MEI4: variants seen among roughly 807,000 people sequenced by gnomAD.
The protein encoded by MEI4 is meiosis-specific protein MEI4.
In MEI4, 27 loss-of-function variants were observed where a neutral mutation model predicts 31.4. That is an observed-to-expected ratio of 0.86 (90% CI 0.63 to 1.19). The LOEUF (loss-of-function observed/expected upper bound fraction) is 1.19. MEI4 is among the 50% of genes most tolerant of loss of function. The probability of loss-of-function intolerance (pLI) is 0.00; values close to 1 mark genes in which losing one functional copy is unlikely to be tolerated. For missense variants in MEI4, 329 were observed against 398.9 expected (o/e 0.82, Z 1.49); for synonymous variants, 122 against 145.4 (o/e 0.84, Z 1.16).
At chr6:77,899,103 A>G (rs1025164745) in intron 4 of MEI4, among the ~76,000 whole-genome samples, 17 of 152,062 alleles carry the variant, frequency 1.1e-4, no homozygotes, top group Admixed American at 3.3e-4. Flanking sequence ...CACTGCATCT[A>G]TATTTTCAAA....
At chr6:77,672,960 A>T (rs1426580479) in intron 1 of MEI4, among the ~76,000 whole-genome samples, 1 of 152,252 alleles carries the variant, frequency 6.6e-6, no homozygotes, top group Non-Finnish European at 1.5e-5. Context: ...GGTAAGACAG[A>T]TACAAGGTCA....
chr6:77,728,905 G>A (rs1766897800), intron 2 of MEI4, among the ~76,000 whole-genome samples: 1 of 152,188 alleles, frequency 6.6e-6, no homozygotes, highest in African/African-American at 2.4e-5. Context: ...TGCTCTGGCT[G>A]CTGTATGGAG....
At chr6:77,895,773 G>A (rs12208156) in intron 4 of MEI4, among the ~76,000 whole-genome samples, 44,635 of 151,982 alleles carry the variant, frequency 0.29, 7,126 homozygotes, top group South Asian at 0.38. Flanking sequence ...GGACAGAAGG[G>A]AGGAAGGGAC....
intron 4 of MEI4, among the ~76,000 whole-genome samples, chr6:77,920,384 G>A (rs7763083): frequency 0.11 from 17,069 of 151,822 alleles, 2,957 homozygotes; most frequent in African/African-American, 0.37. Context: ...TATAAACAGA[G>A]CCAAAGACAA....
At chr6:77,668,364 G>T (rs536035701) in intron 1 of MEI4, among the ~76,000 whole-genome samples, 1 of 152,250 alleles carries the variant, frequency 6.6e-6, no homozygotes, top group African/African-American at 2.4e-5. Flanking sequence ...TCTAAGAGCT[G>T]ATTGTTAGGT....
At chr6:77,746,193 T>G (rs969847692) in intron 2 of MEI4, among the ~76,000 whole-genome samples, 60 of 152,168 alleles carry the variant, frequency 3.9e-4, no homozygotes, top group Admixed American at 3.3e-4. Flanking sequence ...GCCGGTTTTT[T>G]GAAAGGATCA....
intron 4 of MEI4, among the ~76,000 whole-genome samples, chr6:77,853,011 C>T (rs1019109123): frequency 6.6e-6 from 1 of 152,066 alleles, no homozygotes; most frequent in Admixed American, 6.6e-5. Context: ...CCAGCCTGAC[C>T]AACATGGAAA....
intron 2 of MEI4, among the ~76,000 whole-genome samples, chr6:77,713,916 G>T (rs1766522251): frequency 6.6e-6 from 1 of 151,290 alleles, no homozygotes; most frequent in Admixed American, 6.6e-5. Flanking sequence ...TTTTTTTTCT[G>T]TCACAGTTAA....
chr6:77,737,877 G>T (rs757864097), intron 2 of MEI4, among the ~76,000 whole-genome samples: 2 of 152,188 alleles, frequency 1.3e-5, no homozygotes, highest in South Asian at 4.1e-4. Context: ...TGTACCAAGA[G>T]TAAGTGGAAA....
Position 77,846,195 on chromosome 6 carries a change from C to T in MEI4, c.900+17133C>T, listed in dbSNP as rs1770482975. Among the ~76,000 whole-genome samples the T allele has an allele frequency of 1.3e-5, 2 of 152,194 alleles. 1 individual carries two copies. Among genetic ancestry groups the T allele is most frequent in the South Asian group, 4.2e-4 (2 of 4,814 alleles). The stretch of plus-strand genomic sequence containing the variant: ...TGGTGCAATCTCGTCTCACTGCAAG[C>T]TCTACCTCCCGGGTTCACGCCATTC... On this transcript the variant is annotated intron_variant, in intron 4 of 4. Coordinates refer to ENST00000684080, the MANE Select transcript of MEI4 (RefSeq NM_001322247.2).
chr6:77,676,187 T>A (rs1250134635), intron 1 of MEI4, among the ~76,000 whole-genome samples: 2 of 152,196 alleles, frequency 1.3e-5, no homozygotes, highest in Non-Finnish European at 2.9e-5. Context: ...GTTTATTTCT[T>A]GGTGCCTCTT....
At chr6:77,802,203 T>C (rs1455085826) in intron 3 of MEI4, among the ~76,000 whole-genome samples, 1 of 152,222 alleles carries the variant, frequency 6.6e-6, no homozygotes, top group Non-Finnish European at 1.5e-5. Flanking sequence ...CTTGTTGAAT[T>C]GATCCCTTTA....
chr6:77,781,047 C>G (rs1344132817), intron 3 of MEI4, among the ~76,000 whole-genome samples: 1 of 152,018 alleles, frequency 6.6e-6, no homozygotes, highest in African/African-American at 2.4e-5. Flanking sequence ...GAACCATGCT[C>G]AGCTAATTTT....
intron 2 of MEI4, among the ~76,000 whole-genome samples, chr6:77,745,833 A>G (rs146276468): frequency 3.3e-5 from 5 of 152,352 alleles, no homozygotes; most frequent in South Asian, 2.1e-4. Flanking sequence ...AAACCGCTCA[A>G]CTACATGGAA....
At chr6:77,821,332 A>G (rs899676865) in intron 3 of MEI4, among the ~76,000 whole-genome samples, 3 of 152,186 alleles carry the variant, frequency 2.0e-5, no homozygotes, top group African/African-American at 7.2e-5. Context: ...AACTTAGTCT[A>G]TAAGAATTCT....
At chr6:77,742,368 C>T (rs1430633142) in intron 2 of MEI4, among the ~76,000 whole-genome samples, 1 of 151,948 alleles carries the variant, frequency 6.6e-6, no homozygotes, top group East Asian at 1.9e-4. Flanking sequence ...TCTCTGATGG[C>T]CAGTGATGGT....
rs916272167 is a variant in MEI4 at position 77,709,708 on chromosome 6, T to C, written c.232+18805T>C. On this transcript the variant is annotated intron_variant, in intron 2 of 4. Coordinates refer to ENST00000684080, the MANE Select transcript of MEI4 (RefSeq NM_001322247.2). ...TCTTTCCTGGAATTAGTATAATTCATTTCTCTCTGTAAAACAGTATTTTTG... is the reference window on the plus strand; with the variant it reads ...TCTTTCCTGGAATTAGTATAATTCACTTCTCTCTGTAAAACAGTATTTTTG... Among the ~76,000 whole-genome samples the C allele has an allele frequency of 5.3e-5, 8 of 152,310 alleles. 1 individual carries two copies. The highest frequency in any genetic ancestry group is 4.6e-4 in the Admixed American group (7 of 15,298).
chr6:77,747,329 AAAAG>A (rs1254910992), intron 2 of MEI4, among the ~76,000 whole-genome samples: 4 of 152,172 alleles, frequency 2.6e-5, no homozygotes, highest in Admixed American at 1.3e-4. Context: ...AAAAAAAAGA[AAAAG>A]AGAAAGGACT....
At chr6:77,878,634 TTTGCTG>T (rs1301367100) in intron 4 of MEI4, among the ~76,000 whole-genome samples, 3 of 54,038 alleles carry the variant, frequency 5.6e-5, no homozygotes, top group Non-Finnish European at 9.6e-5. Flanking sequence ...TGTTCAGAGG[TTTGCTG>T]TTGTATTCTG....
Sources: gnomAD v4.1 joint callset for allele counts (sites outside exome capture counted in the v4.1 genomes callset) on GRCh38, gnomAD v4.1.1 for gene constraint, MANE v1.5 for transcripts, NCBI Gene and HGNC (gene_info 2026-07-23, HGNC 2026-07-21) for gene names.